Variants in PIK3C2G observed in about 807,000 individuals in gnomAD.
The protein encoded by PIK3C2G is phosphatidylinositol 3-kinase C2 domain-containing subunit gamma.
Under a neutral mutation model 181.1 loss-of-function variants are expected in PIK3C2G, and 168 were observed. That is an observed-to-expected ratio of 0.93 (90% CI 0.82 to 1.05). PIK3C2G has a LOEUF of 1.05. Among genes scored for constraint, PIK3C2G ranks in the 50% least tolerant of loss-of-function variants. The pLI is 0.00. For missense variants in PIK3C2G, 1,869 were observed against 1,732.8 expected (o/e 1.08, Z -1.40); for synonymous variants, 573 against 592.2 (o/e 0.97, Z 0.47).
intron 24 of PIK3C2G, among the ~76,000 whole-genome samples, chr12:18,534,885 GC>G (rs1943764068): frequency 6.6e-6 from 1 of 150,816 alleles, no homozygotes; most frequent in South Asian, 2.1e-4. Flanking sequence ...ACTTTGGTAA[GC>G]AAAGGTAAAA....
At chr12:18,338,147 C>T (rs1412223665) in intron 8 of PIK3C2G, among the ~76,000 whole-genome samples, 1 of 152,122 alleles carries the variant, frequency 6.6e-6, no homozygotes, top group East Asian at 1.9e-4. Context: ...ACTTCCTCTC[C>T]TTATACCTCT....
At chr12:18,507,902 G>A (rs1222627584) in intron 24 of PIK3C2G, among the ~76,000 whole-genome samples, 1 of 152,214 alleles carries the variant, frequency 6.6e-6, no homozygotes, top group African/African-American at 2.4e-5. Context: ...CAGTTTAGCT[G>A]CTTGTTGATG....
intron 29 of PIK3C2G, among the ~76,000 whole-genome samples, chr12:18,593,298 A>G (rs1947182614): frequency 6.6e-6 from 1 of 151,844 alleles, no homozygotes; most frequent in Non-Finnish European, 1.5e-5. Flanking sequence ...TAATTCAACT[A>G]TGACAGAGGG....
intron 12 of PIK3C2G, among the ~76,000 whole-genome samples, chr12:18,369,466 A>G (rs1186407051): frequency 6.7e-6 from 1 of 150,038 alleles, no homozygotes; most frequent in Non-Finnish European, 1.5e-5. Context: ...TTGACATATG[A>G]TCATATAACG....
intron 22 of PIK3C2G, among the ~76,000 whole-genome samples, chr12:18,502,328 A>T (rs1268032801): frequency 6.6e-6 from 1 of 152,214 alleles, no homozygotes; most frequent in African/African-American, 2.4e-5. Flanking sequence ...TTTTAGGTAG[A>T]TCATTAAATG....
At chr12:18,721,463 A>C in the PIK3C2G span, among the ~76,000 whole-genome samples, 1 of 152,106 alleles carries the variant, frequency 6.6e-6, no homozygotes, top group Non-Finnish European at 1.5e-5. Flanking sequence ...ATGGATGAAC[A>C]GTATAATATT....
chr12:18,372,541 A>G (rs182921072), intron 13 of PIK3C2G: 6 of 152,320 alleles, frequency 3.9e-5, no homozygotes, highest in Admixed American at 3.3e-4. Context: ...TCTCACTAGG[A>G]GCAGCTATAC....
chr12:18,360,269 ACTT>A (rs1246508764), intron 11 of PIK3C2G, among the ~76,000 whole-genome samples: 1 of 152,024 alleles, frequency 6.6e-6, no homozygotes, highest in African/African-American at 2.4e-5. Flanking sequence ...AAAACTCTGT[ACTT>A]CTATTTCTCC....
At chr12:18,710,697 A>G in the PIK3C2G span, among the ~76,000 whole-genome samples, 2 of 152,292 alleles carry the variant, frequency 1.3e-5, no homozygotes, top group Admixed American at 1.3e-4. Flanking sequence ...AAAAATGGGC[A>G]GAGATAGTTA....
At chr12:18,566,515 C>T (rs114480044) in intron 28 of PIK3C2G, among the ~76,000 whole-genome samples, 1,605 of 152,200 alleles carry the variant, frequency 0.011, 29 homozygotes, top group African/African-American at 0.037. Context: ...AGCAGATGGA[C>T]GCATATGTCA....
the PIK3C2G span, among the ~76,000 whole-genome samples, chr12:18,713,317 A>G: frequency 6.6e-6 from 1 of 152,058 alleles, no homozygotes; most frequent in South Asian, 2.1e-4. Flanking sequence ...CCTACTCCCA[A>G]CCCATATAAT....
intron 26 of PIK3C2G, among the ~76,000 whole-genome samples, chr12:18,547,454 G>T (rs562520036): frequency 6.6e-6 from 1 of 152,086 alleles, no homozygotes; most frequent in Non-Finnish European, 1.5e-5. Flanking sequence ...ACAGCTGGAA[G>T]AGCCTTTATA....
intron 26 of PIK3C2G, among the ~76,000 whole-genome samples, chr12:18,559,914 G>A (rs957443149): frequency 7.6e-5 from 11 of 145,236 alleles, no homozygotes; most frequent in Middle Eastern, 3.7e-3. Context: ...CCCAGTCTCG[G>A]CTCACTGCAA....
chr12:18,468,358 T>G (rs573174284), intron 18 of PIK3C2G, among the ~76,000 whole-genome samples: 1 of 152,140 alleles, frequency 6.6e-6, no homozygotes, highest in African/African-American at 2.4e-5. Context: ...GTGGCCACCC[T>G]CTTGCAAGGA....
chr12:18,688,022 C>CATATA, the PIK3C2G span: 1 of 1,578,958 alleles, frequency 6.3e-7, no homozygotes, highest in Non-Finnish European at 8.6e-7. Flanking sequence ...ACTCTATCAA[C>CATATA]ATATAATTTG....
chr12:18,272,922 G>A (rs1405437544), intron 1 of PIK3C2G, among the ~76,000 whole-genome samples: 1 of 151,988 alleles, frequency 6.6e-6, no homozygotes, highest in Admixed American at 6.6e-5. Context: ...TGTGAGGAAT[G>A]CTCATTGTAC....
At chr12:18,341,446 A>G (rs1939128088) in intron 9 of PIK3C2G, among the ~76,000 whole-genome samples, 1 of 152,156 alleles carries the variant, frequency 6.6e-6, no homozygotes, top group Non-Finnish European at 1.5e-5. Context: ...ATATTTTGAT[A>G]AGACTAAAAT....
chr12:18,288,435 T>C (rs1949548078), intron 3 of PIK3C2G, among the ~76,000 whole-genome samples: 1 of 152,172 alleles, frequency 6.6e-6, no homozygotes, highest in Admixed American at 6.5e-5. Context: ...TCATAAAACC[T>C]ATAACCATAA....
chr12:18,557,848 A>T (rs1164153519), intron 26 of PIK3C2G, among the ~76,000 whole-genome samples: 1 of 152,212 alleles, frequency 6.6e-6, no homozygotes, highest in African/African-American at 2.4e-5. Flanking sequence ...AACAAAAAAT[A>T]TGCAAGACCA....
Sources: gnomAD v4.1 joint callset for allele counts (sites outside exome capture counted in the v4.1 genomes callset) on GRCh38, gnomAD v4.1.1 for gene constraint, MANE v1.5 for transcripts, NCBI Gene and HGNC (gene_info 2026-07-23, HGNC 2026-07-21) for gene names.